The following SRGAP2 variants were observed in gnomAD, a reference collection of about 807,000 sequenced individuals.
SRGAP2 encodes the protein SLIT-ROBO Rho GTPase activating protein 2.
SRGAP2 carries 15 observed loss-of-function variants against 57.2 expected under a neutral mutation model. That is an observed-to-expected ratio of 0.26 (90% confidence interval 0.18 to 0.40). SRGAP2 has a LOEUF of 0.40. SRGAP2 is among the 10% of genes least tolerant of loss of function. The pLI is 1.00. For missense variants in SRGAP2, 520 were observed against 669.6 expected, an observed-to-expected ratio of 0.78 and a Z score of 2.47; for synonymous variants, 249 against 248.0, an observed-to-expected ratio of 1.00 and a Z score of -0.04.
chr1:206,364,436 G>C (rs1325946856), intron 4 of SRGAP2, among the ~76,000 whole-genome samples: 1 of 151,474 alleles, frequency 6.6e-6, no homozygotes, highest in Non-Finnish European at 1.5e-5. Context: ...CGAGTAGCTG[G>C]GATTATAGTA....
intron 4 of SRGAP2, among the ~76,000 whole-genome samples, chr1:206,355,732 G>A (rs548460806): frequency 4.9e-4 from 74 of 152,224 alleles, no homozygotes; most frequent in South Asian, 3.5e-3. Context: ...TTTGGGAGGC[G>A]GAGGCAGGTG....
chr1:206,278,665 G>T (rs1425881896), intron 2 of SRGAP2, among the ~76,000 whole-genome samples: 1 of 148,102 alleles, frequency 6.8e-6, no homozygotes, highest in Non-Finnish European at 1.5e-5. Flanking sequence ...CCTGGCCCAG[G>T]TTGCATTTTA....
At chr1:206,325,977 A>T (rs536787431) in intron 3 of SRGAP2, among the ~76,000 whole-genome samples, 44 of 151,926 alleles carry the variant, frequency 2.9e-4, no homozygotes, top group African/African-American at 1.0e-3. Flanking sequence ...ACTTACAGAA[A>T]CTGCTCTCTT....
intron 3 of SRGAP2, among the ~76,000 whole-genome samples, chr1:206,326,999 A>G (rs554248757): frequency 2.0e-5 from 3 of 152,024 alleles, no homozygotes; most frequent in African/African-American, 4.8e-5. Context: ...CTGTACTCCA[A>G]CCTGGGCAAC....
At chr1:206,372,959 T>C (rs1259231019) in intron 4 of SRGAP2, among the ~76,000 whole-genome samples, 178 of 9,896 alleles carry the variant, frequency 0.018, 40 homozygotes, top group East Asian at 0.055. Flanking sequence ...TTCTTTCTTT[T>C]CTTTCCTTTC....
chr1:206,323,000 A>C (rs1673587175), intron 3 of SRGAP2, among the ~76,000 whole-genome samples: 1 of 151,592 alleles, frequency 6.6e-6, no homozygotes, highest in African/African-American at 2.4e-5. Flanking sequence ...CCAGTCCCAC[A>C]AGAGTGAGAA....
chr1:206,302,449 A>G (rs1482809426), intron 2 of SRGAP2, among the ~76,000 whole-genome samples: 2 of 151,452 alleles, frequency 1.3e-5, no homozygotes, highest in Non-Finnish European at 3.0e-5. Flanking sequence ...TCTGCATGCT[A>G]GAGCTTAACC....
At chr1:206,437,068 A>G in intron 15 of SRGAP2, 26 bp downstream of exon 15, 1 of 780,378 alleles carries the variant, frequency 1.3e-6, no homozygotes, top group Non-Finnish European at 2.4e-6. Flanking sequence ...TGAAGATAAA[A>G]CCAAATATTT....
chr1:206,208,634 A>C, intron 2 of SRGAP2, among the ~76,000 whole-genome samples: 1 of 152,230 alleles, frequency 6.6e-6, no homozygotes, highest in East Asian at 1.9e-4. Flanking sequence ...ACAGCACAGA[A>C]TTTGGAGACA....
intron 3 of SRGAP2, among the ~76,000 whole-genome samples, chr1:206,321,503 C>A (rs1673449274): frequency 1.2e-5 from 1 of 82,800 alleles, no homozygotes; most frequent in Non-Finnish European, 2.3e-5. Context: ...GTTTTAGCAT[C>A]CATTATAATT....
At chr1:206,208,761 C>A (rs1372393894) in intron 2 of SRGAP2, among the ~76,000 whole-genome samples, 1 of 151,792 alleles carries the variant, frequency 6.6e-6, no homozygotes, top group African/African-American at 2.4e-5. Flanking sequence ...GCCAGACTTA[C>A]TTCTCTTACA....
chr1:206,230,609 C>G (rs1553306722), intron 2 of SRGAP2, among the ~76,000 whole-genome samples: 1 of 152,056 alleles, frequency 6.6e-6, no homozygotes, highest in East Asian at 1.9e-4. Context: ...CAGAGGAAGT[C>G]CCTGCTTTCA....
chr1:206,377,064 C>G (rs2103043663), intron 4 of SRGAP2, among the ~76,000 whole-genome samples: 1 of 152,294 alleles, frequency 6.6e-6, no homozygotes, highest in African/African-American at 2.4e-5. Flanking sequence ...TAAAACCTAT[C>G]TCTTCCATTA....
chr1:206,391,526 A>G (rs2103094354), intron 5 of SRGAP2, among the ~76,000 whole-genome samples: 1 of 141,272 alleles, frequency 7.1e-6, no homozygotes, highest in Non-Finnish European at 1.5e-5. Flanking sequence ...GAGGTAATGT[A>G]CGTAAAGCCC....
intron 7 of SRGAP2, among the ~76,000 whole-genome samples, chr1:206,394,454 AGCATT>A (rs1485449766): frequency 6.6e-6 from 1 of 152,222 alleles, no homozygotes; most frequent in Non-Finnish European, 1.5e-5. Context: ...ATATTTGTAT[AGCATT>A]TAAGGTTTCT....
At chr1:206,397,760 T>C (rs1376656442) in intron 7 of SRGAP2, among the ~76,000 whole-genome samples, 1 of 140,620 alleles carries the variant, frequency 7.1e-6, no homozygotes, top group Non-Finnish European at 1.5e-5. Context: ...GATGGATGAA[T>C]GAAGAACAGG....
intron 14 of SRGAP2, among the ~76,000 whole-genome samples, chr1:206,435,445 G>C (rs1319637572): frequency 6.6e-6 from 1 of 152,228 alleles, no homozygotes; most frequent in Non-Finnish European, 1.5e-5. Context: ...AAGCTGAGCG[G>C]TCCTGATGCA....
At chr1:206,460,242 G>A (rs1296269019) in intron 22 of SRGAP2, among the ~76,000 whole-genome samples, 2 of 152,162 alleles carry the variant, frequency 1.3e-5, no homozygotes, top group Admixed American at 6.5e-5. Context: ...GGGAGGGAGC[G>A]GGGAGCTGGG....
chr1:206,394,717 G>A (rs113459217), intron 7 of SRGAP2, among the ~76,000 whole-genome samples: 4,253 of 151,642 alleles, frequency 0.028, 206 homozygotes, highest in African/African-American at 0.098. Flanking sequence ...AGGGGCAAGC[G>A]CAGGGATAAG....
Sources: allele counts gnomAD v4.1 joint callset (sites outside exome capture counted in the v4.1 genomes callset), GRCh38; gene constraint gnomAD v4.1.1; transcripts MANE v1.5; gene names NCBI Gene and HGNC (gene_info 2026-07-23, HGNC 2026-07-21).